ZFYVE27: variants seen among roughly 807,000 people sequenced by gnomAD.
ZFYVE27 encodes protrudin.
A neutral mutation model predicts 52.8 loss-of-function variants in ZFYVE27; 36 were observed. The ratio of observed to expected loss-of-function variants is 0.68; its 90% CI spans 0.52 to 0.90. The LOEUF is 0.90. Ranked by LOEUF, ZFYVE27 falls within the 40% of genes least tolerant of loss-of-function variation. The pLI, the probability that ZFYVE27 is intolerant of heterozygous loss-of-function variation, is 0.00. For missense variants in ZFYVE27, 450 were observed against 527.2 expected, an observed-to-expected ratio of 0.85 and a Z score of 1.43; for synonymous variants, 223 against 215.6, an observed-to-expected ratio of 1.03 and a Z score of -0.30.
At chr10:97,749,359 T>A (rs1001906668) in intron 5 of ZFYVE27, 115 bp from the exon 6 acceptor site, 4 of 803,182 alleles carry the variant, frequency 5.0e-6, no homozygotes, top group Admixed American at 3.7e-5. Flanking sequence ...CTCTTGTCAG[T>A]TTATTAATGT....
rs750236764 is a variant in ZFYVE27, at chr10:97,753,056, C to A, written c.916C>A (p.Pro306Thr). 6.2e-7 allele frequency: 1 copy of A among 1,611,950 alleles called. No individual in the cohort carries two copies. Among genetic ancestry groups the A allele is most frequent in the Non-Finnish European group, 8.5e-7 (1 of 1,179,232 alleles). The stretch of plus-strand genomic sequence containing the variant: ...CCCACAGGAGGATGATGAGGGCGCC[C>A]CGTGCCCAGCAGAGGATGAGCTGGC... ...LVVLEDDEGA[P>T]CPAEDELALQ... The change falls in exon 10 of 13, where the codon CCG becomes ACG. Residue 306 changes from proline to threonine, a missense_variant. Physicochemically the swap from Pro to Thr is conservative, Grantham distance 38. Coordinates refer to ENST00000684270, the MANE Select transcript of ZFYVE27 (RefSeq NM_001385875.1).
chr10:97,745,714 G>C (rs1362688299), intron 4 of ZFYVE27, among the ~76,000 whole-genome samples: 2 of 152,214 alleles, frequency 1.3e-5, no homozygotes, highest in African/African-American at 4.8e-5. Flanking sequence ...GTGTTGAGTA[G>C]ATATTAGTTA....
At chr10:97,757,592 C>G in intron 11 of ZFYVE27, 50 bp from the exon 12 acceptor site, 1 of 1,591,324 alleles carries the variant, frequency 6.3e-7, no homozygotes, top group Non-Finnish European at 8.6e-7. Flanking sequence ...GCTGAGAACT[C>G]CAGGTACCTG....
intron 4 of ZFYVE27, among the ~76,000 whole-genome samples, chr10:97,747,651 C>G (rs1038997395): frequency 1.3e-5 from 2 of 152,098 alleles, no homozygotes; most frequent in Non-Finnish European, 2.9e-5. Context: ...TTTGAGTTGG[C>G]TCTTGTTTGC....
chr10:97,757,262 C>G lies in ZFYVE27; in HGVS notation c.1043-3C>G. ...GGGTTGAGCTGCTGCCTCTGTTTCT[C>G]AGGGAACTGCACGGGCTGCTCGGCC... On this transcript the variant is annotated splice_polypyrimidine_tract_variant and splice_region_variant and intron_variant, in intron 10 of 12. Coordinates refer to ENST00000684270, the MANE Select transcript of ZFYVE27 (RefSeq NM_001385875.1). 6.2e-7 allele frequency: 1 copy of G among 1,614,096 alleles called. No homozygotes were observed. Among genetic ancestry groups the G allele is most frequent in the Non-Finnish European group, 8.5e-7 (1 of 1,180,010 alleles).
intron 2 of ZFYVE27, among the ~76,000 whole-genome samples, chr10:97,739,722 T>C (rs1396344108): frequency 6.6e-6 from 1 of 152,164 alleles, no homozygotes; most frequent in Non-Finnish European, 1.5e-5. Flanking sequence ...TTAAGTCTTT[T>C]TTCAGTCTAA....
intron 4 of ZFYVE27, among the ~76,000 whole-genome samples, chr10:97,746,075 G>C (rs1331217429): frequency 7.3e-5 from 10 of 136,258 alleles, no homozygotes; most frequent in Admixed American, 4.6e-4. Context: ...TTGAGACAGA[G>C]TCTTGTTATG....
chr10:97,738,422 A>C (rs2042691884), intron 1 of ZFYVE27, 55 bp from the exon 2 acceptor site: 1 of 1,592,840 alleles, frequency 6.3e-7, no homozygotes, highest in Non-Finnish European at 8.6e-7. Flanking sequence ...TGTAGGTAGA[A>C]TTGTGTTGAG....
At chr10:97,750,293 A>T in intron 6 of ZFYVE27, 38 bp from the exon 7 acceptor site, 1 of 1,612,686 alleles carries the variant, frequency 6.2e-7, no homozygotes, top group Non-Finnish European at 8.5e-7. Context: ...ACGGTGTCTC[A>T]TTTTTGCCTC....
At position 97,751,458 on chromosome 10, in the gene ZFYVE27, T is replaced by C; in HGVS notation, c.872T>C (p.Ile291Thr). Residue 291 changes from isoleucine (I) to threonine (T), a missense_variant, in exon 8 of 13, where the codon ATT (isoleucine) becomes ACT (threonine). Transcript: ENST00000684270. ...AEPDEEFKDA[I>T]EETHLVVLED... ...CCAGATGAAGAGTTTAAAGATGCGA[T>C]TGAGGTGGGTGGCCCTTCCCCAGCA... The C allele has an allele frequency of 6.2e-7, 1 of 1,613,748 alleles. No homozygotes were observed. The highest frequency in any genetic ancestry group is 8.5e-7 in the Non-Finnish European group (1 of 1,179,758).
Position 97,749,454 on chromosome 10 carries a change from G to C in ZFYVE27, c.552-20G>C. ...TGCTGTTACGAATTTCTGATCTTGTGGTTCTTCCCTGTCATCCAGGTTCTA... is the reference window on the plus strand; with the variant it reads ...TGCTGTTACGAATTTCTGATCTTGTCGTTCTTCCCTGTCATCCAGGTTCTA... On this transcript the variant is annotated intron_variant, in intron 5 of 12. Transcript: ENST00000684270. 1 of 1,596,328 alleles carries C rather than the reference G, an allele frequency of 6.3e-7. No homozygotes were observed.
rs1354665402 is a variant in ZFYVE27 at position 97,759,673 on chromosome 10, G to C, written c.*373G>C. The C allele has an allele frequency of 9.1e-6, 3 of 327,994 alleles. No individual in the cohort carries two copies. The highest frequency in any genetic ancestry group is 1.0e-3 in the Middle Eastern group (1 of 992). The allele number at this position is 327,994 out of a possible 1,614,324, so 20.3% of individuals were successfully genotyped here. On this transcript the variant is annotated 3_prime_UTR_variant, in exon 13 of 13. Coordinates refer to ENST00000684270, the MANE Select transcript of ZFYVE27 (RefSeq NM_001385875.1). Reference sequence around the variant, plus strand: ...GATCAGGGTCAGTGTGGCTGTGCCTGGGAATTCCAGACCTGAGGTTGGGAA... The same window carrying C: ...GATCAGGGTCAGTGTGGCTGTGCCTCGGAATTCCAGACCTGAGGTTGGGAA...
chr10:97,757,155 C>G, intron 10 of ZFYVE27, 110 bp from the exon 11 acceptor site: 2 of 1,518,548 alleles, frequency 1.3e-6, no homozygotes, highest in Non-Finnish European at 1.8e-6. Flanking sequence ...CTGTGTCCAG[C>G]CAAGGAGGCT....
At position 97,746,881 on chromosome 10, in the gene ZFYVE27, G is replaced by A. The variant is rs529373418; in HGVS notation, c.456-1388G>A. On this transcript the variant is annotated intron_variant, in intron 4 of 12. Transcript: ENST00000684270. Reference sequence around the variant, plus strand: ...TTAAAACAATTTTTTTGTAGAGATAGGGTCTCATTGTCTTGCCCAGGCTGG... The same window carrying A: ...TTAAAACAATTTTTTTGTAGAGATAAGGTCTCATTGTCTTGCCCAGGCTGG... Among the ~76,000 whole-genome samples, 10 of 151,974 alleles carry A rather than the reference G, an allele frequency of 6.6e-5. No homozygotes were observed. The South Asian group carries it at 1.7e-3, about 25-fold the overall frequency.
intron 5 of ZFYVE27, 71 bp from the exon 6 acceptor site, chr10:97,749,403 G>A: frequency 8.9e-7 from 1 of 1,125,918 alleles, no homozygotes; most frequent in Non-Finnish European, 1.4e-6. Context: ...ACCCTGCTGT[G>A]GGTGTGCTCC....
At chr10:97,746,040 TATATATA>T (rs2045269178) in intron 4 of ZFYVE27, among the ~76,000 whole-genome samples, 1 of 54,548 alleles carries the variant, frequency 1.8e-5, no homozygotes, top group Admixed American at 1.4e-4. Context: ...TATATATATA[TATATATA>T]TATATTTTTT....
At chr10:97,750,231 A>G in intron 6 of ZFYVE27, 100 bp from the exon 7 acceptor site, 1 of 1,464,036 alleles carries the variant, frequency 6.8e-7, no homozygotes. Context: ...CCTGTAGTGA[A>G]GGGAAGAGAG....
chr10:97,757,936 TAAC>T, intron 12 of ZFYVE27: 2 of 565,926 alleles, frequency 3.5e-6, no homozygotes, highest in Non-Finnish European at 6.3e-6. Context: ...TGAAGGGTAA[TAAC>T]AAGATGAATA....
intron 1 of ZFYVE27, 41 bp from the exon 2 acceptor site, chr10:97,738,436 T>C: frequency 6.2e-7 from 1 of 1,606,772 alleles, no homozygotes; most frequent in Non-Finnish European, 8.5e-7. Context: ...TGTTGAGGAC[T>C]AGACGTGCAA....
Sources: allele counts gnomAD v4.1 joint callset (sites outside exome capture counted in the v4.1 genomes callset), GRCh38; gene constraint gnomAD v4.1.1; transcripts MANE v1.5; gene names NCBI Gene and HGNC (gene_info 2026-07-23, HGNC 2026-07-21).